The following SLC26A5 variants were observed in gnomAD, a reference collection of about 807,000 sequenced individuals.
SLC26A5 encodes prestin.
In SLC26A5, 51 loss-of-function variants were observed where a neutral mutation model predicts 81.0. That is an observed-to-expected ratio of 0.63 (90% confidence interval 0.50 to 0.80). SLC26A5 has a LOEUF of 0.80. SLC26A5 is among the 30% of genes least tolerant of loss of function. The pLI is 0.00. For synonymous variants in SLC26A5, 325 were observed against 332.8 expected (o/e 0.98, Z 0.25); for missense variants, 771 against 905.8 (o/e 0.85, Z 1.91).
chr7:103,354,739 C>G, intron 19 of SLC26A5: 2 of 600,988 alleles, frequency 3.3e-6, no homozygotes, highest in East Asian at 2.9e-5. Flanking sequence ...GTCAGGAATA[C>G]CTCTCTACTT....
At chr7:103,410,363 C>T (rs752540019) in intron 7 of SLC26A5, 22 bp downstream of exon 7, 23 of 1,595,696 alleles carry the variant, frequency 1.4e-5, no homozygotes, top group Admixed American at 6.7e-5. Flanking sequence ...AGTACCAGAA[C>T]GTCAGGTAGT....
chr7:103,422,169 A>G (rs1825400689), intron 2 of SLC26A5, among the ~76,000 whole-genome samples: 3 of 152,214 alleles, frequency 2.0e-5, no homozygotes. Flanking sequence ...AATGACTGAT[A>G]GTTTTTTTCA....
At chr7:103,415,633 T>A (rs1380076591) in intron 4 of SLC26A5, among the ~76,000 whole-genome samples, 1 of 152,258 alleles carries the variant, frequency 6.6e-6, no homozygotes, top group Non-Finnish European at 1.5e-5. Flanking sequence ...GTTTGTATCA[T>A]GATTTCTCAG....
chr7:103,443,753 AG>A (rs372315852), intron 1 of SLC26A5, among the ~76,000 whole-genome samples: 2 of 152,348 alleles, frequency 1.3e-5, no homozygotes, highest in African/African-American at 4.8e-5. Flanking sequence ...AAGTAAATTA[AG>A]TCATATCCAC....
intron 19 of SLC26A5, among the ~76,000 whole-genome samples, chr7:103,353,405 C>G (rs572377513): frequency 6.6e-6 from 1 of 152,262 alleles, no homozygotes; most frequent in Non-Finnish European, 1.5e-5. Context: ...CTCCTGGGTT[C>G]AAGCAATTCT....
intron 9 of SLC26A5, among the ~76,000 whole-genome samples, chr7:103,397,712 G>T (rs1244551513): frequency 2.1e-5 from 2 of 94,138 alleles, no homozygotes; most frequent in African/African-American, 7.0e-5. Context: ...GTGAGACTTC[G>T]TCTCAAAAAA....
chr7:103,393,183 C>CA, intron 9 of SLC26A5, 117 bp from the exon 10 acceptor site: 3 of 1,253,618 alleles, frequency 2.4e-6, no homozygotes, highest in Non-Finnish European at 3.4e-6. Context: ...GTAATCAATG[C>CA]TTGGATACTT....
intron 9 of SLC26A5, among the ~76,000 whole-genome samples, chr7:103,394,169 T>C (rs1453664737): frequency 6.6e-6 from 1 of 152,166 alleles, no homozygotes; most frequent in Non-Finnish European, 1.5e-5. Flanking sequence ...TTTCACATCG[T>C]GAAGTAAGGA....
intron 19 of SLC26A5, among the ~76,000 whole-genome samples, chr7:103,363,926 A>G (rs1033061191): frequency 6.6e-6 from 1 of 152,216 alleles, no homozygotes; most frequent in Non-Finnish European, 1.5e-5. Context: ...AGTCTTATGT[A>G]TTGATAGAAG....
intron 19 of SLC26A5, 84 bp from the exon 20 acceptor site, chr7:103,374,676 G>GTTT: frequency 2.7e-5 from 24 of 877,656 alleles, no homozygotes; most frequent in Non-Finnish European, 3.7e-5. Context: ...TCCATATAGT[G>GTTT]TTTTTTTTTT....
chr7:103,378,679 C>A (rs888049598), intron 16 of SLC26A5, 126 bp from the exon 17 acceptor site: 13 of 815,924 alleles, frequency 1.6e-5, no homozygotes, highest in East Asian at 2.5e-5. Context: ...AACCCTTGCA[C>A]TGCCTTTCCC....
At chr7:103,397,397 C>A (rs1299986957) in intron 9 of SLC26A5, among the ~76,000 whole-genome samples, 3 of 151,558 alleles carry the variant, frequency 2.0e-5, no homozygotes, top group Non-Finnish European at 4.4e-5. Context: ...AAAAATCAGC[C>A]GGGCGTGGTG....
intron 2 of SLC26A5, among the ~76,000 whole-genome samples, chr7:103,425,796 T>A (rs1356801849): frequency 1.3e-5 from 2 of 152,236 alleles, no homozygotes; most frequent in African/African-American, 4.8e-5. Context: ...TTCTCAGCCA[T>A]GGCTGCACAT....
chr7:103,420,954 C>T (rs760870841), intron 3 of SLC26A5, 77 bp from the exon 4 acceptor site: 47 of 1,481,952 alleles, frequency 3.2e-5, no homozygotes, highest in African/African-American at 4.2e-5. Flanking sequence ...AAGCATTTTC[C>T]CTTCCTTATT....
At chr7:103,413,780 T>G (rs1824690927) in intron 4 of SLC26A5, among the ~76,000 whole-genome samples, 1 of 152,152 alleles carries the variant, frequency 6.6e-6, no homozygotes, top group Non-Finnish European at 1.5e-5. Flanking sequence ...GCAGTTCACA[T>G]CATCCTTTAG....
chr7:103,380,769 G>A (rs1462517827), intron 14 of SLC26A5, among the ~76,000 whole-genome samples: 1 of 151,178 alleles, frequency 6.6e-6, no homozygotes, highest in Admixed American at 6.6e-5. Flanking sequence ...CACATCACAT[G>A]CCACACACAC....
At chr7:103,368,039 C>T (rs1194402837) in intron 19 of SLC26A5, 2 of 1,613,140 alleles carry the variant, frequency 1.2e-6, no homozygotes, top group Non-Finnish European at 1.7e-6. Context: ...CTCCTCGTTA[C>T]ATGACATACA....
intron 8 of SLC26A5, among the ~76,000 whole-genome samples, chr7:103,398,780 C>T (rs1220347773): frequency 6.6e-6 from 1 of 152,160 alleles, no homozygotes; most frequent in Non-Finnish European, 1.5e-5. Context: ...GCCAGCCCCT[C>T]CTGAGGAGGG....
chr7:103,408,118 A>T, intron 7 of SLC26A5, 115 bp from the exon 8 acceptor site: 1 of 1,405,112 alleles, frequency 7.1e-7, no homozygotes, highest in Admixed American at 1.8e-5. Context: ...TTTCTAGTGG[A>T]AAGTTCCAAG....
Sources: gnomAD v4.1 joint callset for allele counts (sites outside exome capture counted in the v4.1 genomes callset) on GRCh38, gnomAD v4.1.1 for gene constraint, MANE v1.5 for transcripts, NCBI Gene and HGNC (gene_info 2026-07-23, HGNC 2026-07-21) for gene names.